USP30: variants seen among roughly 807,000 people sequenced by gnomAD.
USP30 encodes ubiquitin specific peptidase 30.
In USP30, 41 loss-of-function variants were observed where a neutral mutation model predicts 68.2. That is an observed-to-expected ratio of 0.60 (90% CI 0.47 to 0.78). USP30 has a LOEUF of 0.78. Ranked by LOEUF, USP30 falls within the 30% of genes least tolerant of loss-of-function variation. USP30 has a pLI of 0.00. For synonymous variants in USP30, 229 were observed against 253.7 expected (o/e 0.90, Z 0.93); for missense variants, 522 against 649.4 (o/e 0.80, Z 2.13).
intron 2 of USP30, 30 bp from the exon 3 acceptor site, chr12:109,057,896 G>C (rs771931523): frequency 1.2e-6 from 2 of 1,603,276 alleles, no homozygotes; most frequent in South Asian, 2.2e-5. Flanking sequence ...GTGATATACT[G>C]TTCTCTTCTT....
chr12:109,027,906 A>G (rs1370421485), intron 3 of USP30, among the ~76,000 whole-genome samples: 1 of 152,202 alleles, frequency 6.6e-6, no homozygotes, highest in Non-Finnish European at 1.5e-5. Flanking sequence ...TTATGAGTAT[A>G]TAAATAGGAG....
At chr12:109,037,198 G>A (rs1023571455) in intron 3 of USP30, among the ~76,000 whole-genome samples, 1 of 152,030 alleles carries the variant, frequency 6.6e-6, no homozygotes, top group African/African-American at 2.4e-5. Context: ...CAAATCTGCT[G>A]TTGTGCTCGC....
rs1298811530 is a variant in USP30, at chr12:109,055,400, A to ATATATATTTTTT, written c.84-1281_84-1280insATATATTTTTTT. ...TATACATATATATATATATATATAT[A>ATATATATTTTTT]TTTTTTTTTTTTTTTTTTTTGAGGC... On this transcript the variant is annotated intron_variant, in intron 1 of 12. Coordinates refer to ENST00000257548, the MANE Select transcript of USP30 (RefSeq NM_032663.5). Among the ~76,000 whole-genome samples, 127 of 24,446 alleles carry ATATATATTTTTT rather than the reference A, an allele frequency of 5.2e-3. 7 individuals carry two copies. Among genetic ancestry groups the ATATATATTTTTT allele is most frequent in the African/African-American group, 0.014 (124 of 8,994 alleles). 16.0% of individuals were successfully genotyped at this position (24,446 alleles called of 152,430 possible). A position where few individuals can be genotyped will look rare whatever the true frequency, so the allele number is the denominator to read the frequency against.
At chr12:109,046,526 C>G (rs7970728) in intron 3 of USP30, among the ~76,000 whole-genome samples, 5,552 of 151,918 alleles carry the variant, frequency 0.037, 331 homozygotes, top group African/African-American at 0.13. Flanking sequence ...AAATGTTAAT[C>G]TCATCCAAAA....
chr12:109,035,798 A>G (rs939148167), intron 3 of USP30, among the ~76,000 whole-genome samples: 3 of 152,224 alleles, frequency 2.0e-5, no homozygotes, highest in African/African-American at 7.2e-5. Context: ...TTGTGTGCCC[A>G]TCAGCATAAA....
At chr12:109,041,396 G>A (rs1438004013) in intron 3 of USP30, among the ~76,000 whole-genome samples, 1 of 152,100 alleles carries the variant, frequency 6.6e-6, no homozygotes, top group East Asian at 1.9e-4. Context: ...CAGCACTTTG[G>A]GAGGCTGAGG....
chr12:109,061,552 G>A (rs1183591384), intron 3 of USP30, among the ~76,000 whole-genome samples: 1 of 151,850 alleles, frequency 6.6e-6, no homozygotes, highest in Non-Finnish European at 1.5e-5. Context: ...GGGACTACAG[G>A]CACATGCCAC....
At position 109,076,793 on chromosome 12, in the gene USP30, G is replaced by A. The variant is rs11068498; in HGVS notation, c.720+3261G>A. 5.8e-3 allele frequency among the ~76,000 whole-genome samples: 848 copies of A among 147,374 alleles called. 55 individuals are homozygous for A. The East Asian group carries it at 0.13, about 22-fold the overall frequency. Reference sequence around the variant, plus strand: ...GTCGCCCAGGCTGGAGTGCAGTGGCGTGATCTCGGCTCACTGCAAGCTCCA... The same window carrying A: ...GTCGCCCAGGCTGGAGTGCAGTGGCATGATCTCGGCTCACTGCAAGCTCCA... On this transcript the variant is annotated intron_variant, in intron 7 of 12. Coordinates refer to ENST00000257548, the MANE Select transcript of USP30 (RefSeq NM_032663.5).
rs1457239506 is a variant in USP30 at position 109,058,096 on chromosome 12, C to A, written c.364C>A (p.His122Asn). The A allele has an allele frequency of 1.2e-6, 2 of 1,608,312 alleles. No individual in the cohort carries two copies. Among genetic ancestry groups the A allele is most frequent in the Admixed American group, 3.4e-5 (2 of 58,498 alleles). ...SHQYLSLTLL[H>N]LLKALSCQEV... ...CCAGTATTTATCCTTAACACTCTTGCACCTTCTGAAAGGTATCTAGATGGG... is the reference window on the plus strand; with the variant it reads ...CCAGTATTTATCCTTAACACTCTTGAACCTTCTGAAAGGTATCTAGATGGG... The change falls in exon 3 of 13, where the codon CAC becomes AAC. Residue 122 changes from histidine to asparagine, a missense_variant. Transcript: ENST00000257548.
chr12:109,052,997 C>T (rs2040718898), intron 1 of USP30: 1 of 398,104 alleles, frequency 2.5e-6, no homozygotes, highest in Non-Finnish European at 4.4e-6. Flanking sequence ...GTCCCTCCCC[C>T]TCCTGTCATT....
At chr12:109,041,772 T>C (rs2040566980) in intron 3 of USP30, among the ~76,000 whole-genome samples, 1 of 152,132 alleles carries the variant, frequency 6.6e-6, no homozygotes, top group Non-Finnish European at 1.5e-5. Flanking sequence ...GAAGAGCTAC[T>C]TTGGAAGGTC....
intron 3 of USP30, among the ~76,000 whole-genome samples, chr12:109,067,280 A>AT (rs35837643): frequency 6.8e-5 from 10 of 147,972 alleles, no homozygotes; most frequent in African/African-American, 1.2e-4. Flanking sequence ...CGCCCGGCTA[A>AT]TTTTTTTTTT....
At chr12:109,031,661 T>C (rs916867002) in intron 3 of USP30, among the ~76,000 whole-genome samples, 1 of 152,224 alleles carries the variant, frequency 6.6e-6, no homozygotes, top group Admixed American at 6.5e-5. Context: ...TGGAATATCA[T>C]TCAGCCATAC....
intron 1 of USP30, 125 bp downstream of exon 1, chr12:109,052,886 T>TGCGTCC (rs2135694524): frequency 9.6e-7 from 1 of 1,041,696 alleles, no homozygotes; most frequent in African/African-American, 1.7e-5. Context: ...TGGAAGGTTC[T>TGCGTCC]GCGTCCTTTA....
At chr12:109,050,763 C>T (rs1566080704), upstream of USP30, among the ~76,000 whole-genome samples, 1 of 151,910 alleles carries the variant, frequency 6.6e-6, no homozygotes, top group Admixed American at 6.6e-5. Context: ...AATCCCAACA[C>T]TTTGGGAGCC....
Position 109,085,791 on chromosome 12 carries a change from C to A in USP30, c.1414C>A (p.Gln472Lys). The A allele has an allele frequency of 6.2e-7, 1 of 1,614,248 alleles. No individual in the cohort carries two copies. The highest frequency in any genetic ancestry group is 1.1e-5 in the South Asian group (1 of 91,090). The change falls in exon 13 of 13, where the codon CAG becomes AAG. Residue 472 changes from glutamine (Q) to lysine (K), a missense_variant. Transcript: ENST00000257548. The stretch of plus-strand genomic sequence containing the variant: ...CAGGAACCCTCTCTCAACTAGCAAT[C>A]AGTGGCTGTGGGTCTCCGATGACAC... ...SARNPLSTSN[Q>K]WLWVSDDTVR... is the part of the protein sequence containing the mutation.
At chr12:109,066,499 A>G (rs375784806) in intron 3 of USP30, among the ~76,000 whole-genome samples, 1 of 152,124 alleles carries the variant, frequency 6.6e-6, no homozygotes, top group Admixed American at 6.5e-5. Flanking sequence ...CGTGGCCAAC[A>G]TGGGGGAACC....
intron 11 of USP30, among the ~76,000 whole-genome samples, chr12:109,084,725 G>A (rs1209066322): frequency 4.6e-5 from 7 of 152,244 alleles, no homozygotes; most frequent in South Asian, 4.1e-4. Flanking sequence ...CAGGCTAGCC[G>A]TAAAGCTGGA....
intron 3 of USP30, among the ~76,000 whole-genome samples, chr12:109,037,712 C>T (rs1484692718): frequency 2.6e-5 from 4 of 152,152 alleles, no homozygotes; most frequent in African/African-American, 7.2e-5. Context: ...ATAGAGATTT[C>T]CTTAAATGCC....
Sources: allele counts gnomAD v4.1 joint callset (sites outside exome capture counted in the v4.1 genomes callset), GRCh38; gene constraint gnomAD v4.1.1; transcripts MANE v1.5; gene names NCBI Gene and HGNC (gene_info 2026-07-23, HGNC 2026-07-21).